The following NID2 variants were observed in gnomAD, a reference collection of about 807,000 sequenced individuals.
The protein encoded by NID2 is nidogen-2.
Under a neutral mutation model 145.4 loss-of-function variants are expected in NID2, and 83 were observed. The ratio of observed to expected loss-of-function variants is 0.57; its 90% confidence interval spans 0.48 to 0.69. The LOEUF (loss-of-function observed/expected upper bound fraction) is 0.69, where lower values mean the gene tolerates loss of function less well. NID2 is among the 30% of genes least tolerant of loss of function. The pLI is 0.00. For missense variants in NID2, 1,807 were observed against 1,765.7 expected (o/e 1.02, Z -0.42); for synonymous variants, 739 against 701.3 (o/e 1.05, Z -0.85).
At chr14:52,047,491 T>C (rs1275757966) in intron 5 of NID2, among the ~76,000 whole-genome samples, 5 of 152,012 alleles carry the variant, frequency 3.3e-5, no homozygotes, top group Non-Finnish European at 1.5e-5. Flanking sequence ...GATTTGAGCT[T>C]TCATCTGAGT....
In NID2 at chr14:52,054,022, T is replaced by C; in HGVS notation, c.1067A>G (p.Glu356Gly). The change falls in exon 4 of 22, where the codon GAG becomes GGG. Residue 356 changes from glutamate (E) to glycine (G), a missense_variant and splice_region_variant. Physicochemically the swap from Glu to Gly is moderately conservative, Grantham distance 98 (BLOSUM62 -2). Transcript: ENST00000216286. ...FQSKVDTKPL[E>G]ESSTLDPHTK... ...AGAATCTGGAGGGGAGATCCTACCC[T>C]CTAAAGGCTTTGTATCCACTTTGGA... The C allele has an allele frequency of 1.2e-6, 2 of 1,613,456 alleles. No individual in the cohort carries two copies. Among genetic ancestry groups the C allele is most frequent in the Non-Finnish European group, 1.7e-6 (2 of 1,179,660 alleles).
In NID2 at chr14:52,067,864, C is replaced by T. The variant is rs761148038; in HGVS notation, c.528G>A (p.Ser176=). 5.0e-5 allele frequency: 81 copies of T among 1,611,644 alleles called. No individual in the cohort carries two copies. The highest frequency in any genetic ancestry group is 9.3e-5 in the African/African-American group (7 of 74,874). ...AATATCCCTGGTCACTTACCTCTCC[C>T]GAGGGCAGCGCCCCGCGCTTGACCT... The part of the protein sequence containing the change: ...YEEVKRGALP[S]GELNTFQAVL... The change falls in exon 2 of 22, where the codon TCG becomes TCA. Residue 176 remains serine (S), a synonymous_variant. Transcript: ENST00000216286.
chr14:52,040,617 C>G (rs1892243467), intron 8 of NID2, 34 bp downstream of exon 8: 6 of 1,578,278 alleles, frequency 3.8e-6, no homozygotes, highest in Non-Finnish European at 5.2e-6. Context: ...GGCATAATCC[C>G]CATTTTACAG....
chr14:52,034,136 G>T (rs1375118096), intron 9 of NID2, among the ~76,000 whole-genome samples: 5 of 152,174 alleles, frequency 3.3e-5, no homozygotes, highest in Non-Finnish European at 2.9e-5. Context: ...TTTGACTGGG[G>T]TGGGAGGGAA....
At chr14:52,006,334 G>A (rs1383168243) in intron 20 of NID2, 1 of 554,562 alleles carries the variant, frequency 1.8e-6, no homozygotes, top group Non-Finnish European at 3.2e-6. Context: ...TTCGATTTCT[G>A]GGTGAAGTAA....
chr14:52,029,857 G>C (rs1891737255), intron 9 of NID2, among the ~76,000 whole-genome samples, 167 bp from the exon 10 acceptor site: 1 of 152,188 alleles, frequency 6.6e-6, no homozygotes, highest in Middle Eastern at 3.4e-3. Context: ...CTGCACTTCA[G>C]TTTTAAACTC....
intron 9 of NID2, among the ~76,000 whole-genome samples, chr14:52,032,451 G>A (rs372945021): frequency 4.6e-5 from 7 of 152,176 alleles, no homozygotes; most frequent in Admixed American, 6.5e-5. Flanking sequence ...AAGAGGCACC[G>A]CACTGGGGTT....
chr14:52,008,264 A>G (rs374158657), intron 18 of NID2: 10 of 259,246 alleles, frequency 3.9e-5, no homozygotes, highest in Middle Eastern at 1.1e-3. Flanking sequence ...AAAGGGGAAC[A>G]TGTGCCAAGG....
At chr14:52,063,374 C>T (rs1228245277) in intron 2 of NID2, among the ~76,000 whole-genome samples, 2 of 152,176 alleles carry the variant, frequency 1.3e-5, no homozygotes, top group Admixed American at 6.5e-5. Flanking sequence ...TGGCTGCAGG[C>T]CCTGTTATCA....
Position 52,027,200 on chromosome 14 carries a change from C to CCTG in NID2, c.2674_2674+1insCAG (p.Thr891_Asp892insAla), listed in dbSNP as rs1891616612. 2.6e-6 allele frequency: 4 copies of CCTG among 1,523,634 alleles called. No homozygotes were observed. The South Asian group carries it at 5.1e-5, about 19-fold the overall frequency. The allele number at this position is 1,523,634 out of a possible 1,614,324, so 94.4% of individuals were successfully genotyped here. On this transcript the variant is annotated inframe_insertion and splice_region_variant. Coordinates refer to ENST00000216286, the MANE Select transcript of NID2 (RefSeq NM_007361.4). ...ATTGAGGCTGACCTGCAGTTACTCA[C>CCTG]CAGTGCACTGGTGCCCATCGCCGGC...
At chr14:52,043,585 G>A (rs1050445128) in intron 5 of NID2, among the ~76,000 whole-genome samples, 1 of 152,170 alleles carries the variant, frequency 6.6e-6, no homozygotes, top group Admixed American at 6.5e-5. Context: ...TGATTTCCAC[G>A]CAGTAGCAGA....
intron 12 of NID2, among the ~76,000 whole-genome samples, chr14:52,022,823 C>G (rs1286248284): frequency 6.6e-6 from 1 of 152,170 alleles, no homozygotes; most frequent in Non-Finnish European, 1.5e-5. Context: ...GCCTCGAGTT[C>G]CCCCAGGCTC....
At chr14:52,008,099 A>G (rs1387378804) in intron 18 of NID2, 132 bp from the exon 19 acceptor site, 1 of 657,036 alleles carries the variant, frequency 1.5e-6, no homozygotes, top group Non-Finnish European at 2.5e-6. Context: ...TTTGGGCTGC[A>G]TTAGTAGTGT....
chr14:52,042,442 A>G, intron 6 of NID2, 92 bp from the exon 7 acceptor site: 1 of 1,431,982 alleles, frequency 7.0e-7, no homozygotes, highest in African/African-American at 1.4e-5. Context: ...AACTTCCAAA[A>G]CTCACTCTTT....
At chr14:52,036,658 G>A (rs761712308) in intron 9 of NID2, among the ~76,000 whole-genome samples, 9 of 152,044 alleles carry the variant, frequency 5.9e-5, no homozygotes, top group African/African-American at 9.7e-5. Flanking sequence ...CCATGTTCTC[G>A]CCAACACTTG....
rs1325132881 is a variant in NID2, at chr14:52,068,798, T to G, written c.197A>C (p.His66Pro). Residue 66 changes from histidine (H) to proline (P), a missense_variant, in exon 1 of 22, where the codon CAC becomes CCC. Coordinates refer to ENST00000216286, the MANE Select transcript of NID2 (RefSeq NM_007361.4). ...GTTGCTGAATCGGGCTTCGTAGAAG[T>G]GCAGGGGATTCGCCAGCTTCACCAC... ...SAVVKLANPL[H>P]FYEARFSNLY... 1.1e-5 allele frequency: 18 copies of G among 1,608,068 alleles called. No individual in the cohort carries two copies. Among genetic ancestry groups the G allele is most frequent in the Non-Finnish European group, 1.5e-5 (18 of 1,179,910 alleles).
At chr14:52,056,054 A>G (rs1892835821) in intron 3 of NID2, among the ~76,000 whole-genome samples, 1 of 152,156 alleles carries the variant, frequency 6.6e-6, no homozygotes, top group South Asian at 2.1e-4. Context: ...GCAATATGCT[A>G]TACATATTTG....
chr14:52,017,443 G>A (rs1281548439), intron 14 of NID2, among the ~76,000 whole-genome samples: 1 of 152,136 alleles, frequency 6.6e-6, no homozygotes, highest in Non-Finnish European at 1.5e-5. Flanking sequence ...CCAGCGCCGA[G>A]AGAGTGTGGG....
intron 3 of NID2, among the ~76,000 whole-genome samples, chr14:52,057,141 A>G (rs1397916322): frequency 1.3e-5 from 2 of 152,068 alleles, no homozygotes; most frequent in South Asian, 2.1e-4. Context: ...CCCTGGGCTC[A>G]AGTGATCCTC....
Sources: gnomAD v4.1 joint callset for allele counts (sites outside exome capture counted in the v4.1 genomes callset) on GRCh38, gnomAD v4.1.1 for gene constraint, MANE v1.5 for transcripts, NCBI Gene and HGNC (gene_info 2026-07-23, HGNC 2026-07-21) for gene names.